Variants in WDR25 observed in about 807,000 individuals in gnomAD.
The protein encoded by WDR25 is WD repeat-containing protein 25.
Under a neutral mutation model 47.7 loss-of-function variants are expected in WDR25, and 35 were observed. The observed-to-expected ratio is 0.73, with a 90% confidence interval of 0.56 to 0.97. The LOEUF is 0.97. Ranked by LOEUF, WDR25 falls within the 50% of genes least tolerant of loss-of-function variation. The probability of loss-of-function intolerance (pLI) is 0.00; values close to 1 mark genes in which losing one functional copy is unlikely to be tolerated. For missense variants in WDR25, 634 were observed against 704.7 expected, an observed-to-expected ratio of 0.90 and a Z score of 1.14; for synonymous variants, 248 against 278.9, an observed-to-expected ratio of 0.89 and a Z score of 1.10.
chr14:100,462,174 C>T (rs1293433717), intron 2 of WDR25, among the ~76,000 whole-genome samples: 1 of 152,106 alleles, frequency 6.6e-6, no homozygotes, highest in Non-Finnish European at 1.5e-5. Context: ...GTCTTGGTAA[C>T]GAGGACACAG....
At chr14:100,381,787 G>C in intron 2 of WDR25, 41 bp downstream of exon 2, 1 of 1,474,380 alleles carries the variant, frequency 6.8e-7, no homozygotes, top group South Asian at 1.3e-5. Flanking sequence ...GATGCTCTTA[G>C]GAATACACTG....
chr14:100,417,302 T>G (rs889051439), intron 2 of WDR25, among the ~76,000 whole-genome samples: 18 of 152,392 alleles, frequency 1.2e-4, no homozygotes, highest in African/African-American at 2.9e-4. Context: ...AGCTGCTTAG[T>G]AGGACACTTG....
chr14:100,380,847 C>G, intron 1 of WDR25, 63 bp from the exon 2 acceptor site: 1 of 1,434,692 alleles, frequency 7.0e-7, no homozygotes, highest in Non-Finnish European at 9.5e-7. Context: ...GACATGGTTT[C>G]TTATAACTAC....
At chr14:100,393,217 TCA>T (rs1897182320) in intron 2 of WDR25, among the ~76,000 whole-genome samples, 1 of 152,244 alleles carries the variant, frequency 6.6e-6, no homozygotes, top group Non-Finnish European at 1.5e-5. Context: ...CTCTCCCTAC[TCA>T]CAGTGTATTT....
intron 4 of WDR25, among the ~76,000 whole-genome samples, chr14:100,484,889 T>C (rs1316614692): frequency 6.6e-6 from 1 of 152,232 alleles, no homozygotes; most frequent in South Asian, 2.1e-4. Context: ...TTGGAGGCTG[T>C]TCTCAACACA....
chr14:100,451,595 T>G (rs897405681), intron 2 of WDR25, among the ~76,000 whole-genome samples: 4 of 152,212 alleles, frequency 2.6e-5, no homozygotes, highest in African/African-American at 7.2e-5. Flanking sequence ...TGTCTTGATT[T>G]GGAAAGGTGC....
rs190560435 is a variant in WDR25 at position 100,510,101 on chromosome 14, C to T, written c.1102-15769C>T. Among the ~76,000 whole-genome samples the T allele has an allele frequency of 2.4e-3, 360 of 150,432 alleles. 3 individuals carry two copies. The highest frequency in any genetic ancestry group is 8.5e-3 in the African/African-American group (349 of 40,920). Reference sequence around the variant, plus strand: ...GCCTGGCCAACATGGCAAAACCTGTCTCTACTAGAAGTACACAAAATAGCT... The same window carrying T: ...GCCTGGCCAACATGGCAAAACCTGTTTCTACTAGAAGTACACAAAATAGCT... On this transcript the variant is annotated intron_variant, in intron 4 of 6. Coordinates refer to ENST00000402312, the MANE Select transcript of WDR25 (RefSeq NM_001161476.3).
intron 3 of WDR25, among the ~76,000 whole-genome samples, chr14:100,477,880 A>G (rs1033167359): frequency 1.3e-5 from 2 of 152,186 alleles, no homozygotes; most frequent in African/African-American, 4.8e-5. Flanking sequence ...TCACAAGGTC[A>G]GGAGATTGAG....
At position 100,500,767 on chromosome 14, in the gene WDR25, G is replaced by T. The variant is rs1242725896; in HGVS notation, c.1101+16643G>T. Reference sequence around the variant, plus strand: ...GTGGTACTGCGAGGCAGGGGCCTGGGCTTTTCAGAGTTGGGCTGCTCTTGG... The same window carrying T: ...GTGGTACTGCGAGGCAGGGGCCTGGTCTTTTCAGAGTTGGGCTGCTCTTGG... On this transcript the variant is annotated intron_variant, in intron 4 of 6. Coordinates refer to ENST00000402312, the MANE Select transcript of WDR25 (RefSeq NM_001161476.3). The surrounding 1 kb of genome is among the most constrained non-coding windows in gnomAD (Gnocchi z 4.7). Among the ~76,000 whole-genome samples, 3 of 152,200 alleles carry T rather than the reference G, an allele frequency of 2.0e-5. No homozygotes were observed. The highest frequency in any genetic ancestry group is 7.2e-5 in the African/African-American group (3 of 41,446).
chr14:100,475,848 A>G (rs920638308), intron 3 of WDR25, among the ~76,000 whole-genome samples: 1 of 152,008 alleles, frequency 6.6e-6, no homozygotes, highest in Non-Finnish European at 1.5e-5. Context: ...TCTTTCTACA[A>G]TGTATATACA....
intron 2 of WDR25, among the ~76,000 whole-genome samples, chr14:100,423,361 C>T (rs1399634550): frequency 6.6e-6 from 1 of 152,136 alleles, no homozygotes; most frequent in East Asian, 1.9e-4. Context: ...TGTGGGCATA[C>T]CTGGACCCAC....
intron 2 of WDR25, among the ~76,000 whole-genome samples, chr14:100,414,915 AAAG>A (rs1372020112): frequency 1.3e-5 from 2 of 151,782 alleles, no homozygotes; most frequent in Admixed American, 6.6e-5. Flanking sequence ...AAAAAAAAAA[AAAG>A]AAGAAAAAAA....
At chr14:100,522,624 G>T (rs1375081461) in intron 4 of WDR25, among the ~76,000 whole-genome samples, 1 of 152,196 alleles carries the variant, frequency 6.6e-6, no homozygotes, top group Admixed American at 6.5e-5. Context: ...CATCGGGCTT[G>T]TATGTGTCAG....
intron 4 of WDR25, among the ~76,000 whole-genome samples, chr14:100,507,651 G>GTTT (rs763908066): frequency 1.1e-3 from 149 of 130,774 alleles, no homozygotes; most frequent in African/African-American, 4.0e-3. Flanking sequence ...AGGTATTTGT[G>GTTT]TTTTTTTTTT....
chr14:100,422,552 TAC>T (rs1033936364), intron 2 of WDR25, among the ~76,000 whole-genome samples: 1 of 152,228 alleles, frequency 6.6e-6, no homozygotes, highest in African/African-American at 2.4e-5. Flanking sequence ...TACATCCTTG[TAC>T]ACCCCTGTGA....
chr14:100,393,452 C>G (rs1314845191), intron 2 of WDR25, among the ~76,000 whole-genome samples: 1 of 152,154 alleles, frequency 6.6e-6, no homozygotes, highest in Admixed American at 6.5e-5. Context: ...GATACGGTTC[C>G]GGTACCTGGG....
intron 4 of WDR25, chr14:100,503,714 C>T (rs536260036): frequency 2.6e-5 from 4 of 152,394 alleles, no homozygotes; most frequent in East Asian, 3.9e-4. Context: ...CCCCCGTCCC[C>T]GAAGACTGCT....
intron 2 of WDR25, chr14:100,454,483 C>T: frequency 1.6e-6 from 2 of 1,264,976 alleles, no homozygotes; most frequent in South Asian, 2.5e-5. Flanking sequence ...TTCTGGCAGA[C>T]TAACCCTCCC....
intron 2 of WDR25, among the ~76,000 whole-genome samples, chr14:100,457,640 G>A (rs751035611): frequency 2.0e-5 from 3 of 152,212 alleles, no homozygotes; most frequent in African/African-American, 7.2e-5. Flanking sequence ...ATGAGCACTA[G>A]AAATGGTAAA....
Sources: allele counts gnomAD v4.1 joint callset (sites outside exome capture counted in the v4.1 genomes callset), GRCh38; gene constraint gnomAD v4.1.1; non-coding constraint Gnocchi (gnomAD v3.1); transcripts MANE v1.5; gene names NCBI Gene and HGNC (gene_info 2026-07-23, HGNC 2026-07-21).